The following PARD3B variants were observed in gnomAD, a reference collection of about 807,000 sequenced individuals.
The protein encoded by PARD3B is par-3 family cell polarity regulator beta, also known as partitioning defective 3 homolog B.
Under a neutral mutation model 130.2 loss-of-function variants are expected in PARD3B, and 103 were observed. The observed-to-expected ratio is 0.79, with a 90% confidence interval of 0.67 to 0.93. The LOEUF is 0.93. Ranked by LOEUF, PARD3B falls within the 40% of genes least tolerant of loss-of-function variation. The pLI, the probability that PARD3B is intolerant of heterozygous loss-of-function variation, is 0.00. For missense variants in PARD3B, 1,609 were observed against 1,499.2 expected, an observed-to-expected ratio of 1.07 and a Z score of -1.21; for synonymous variants, 583 against 553.2, an observed-to-expected ratio of 1.05 and a Z score of -0.76.
At chr2:205,302,828 C>T (rs1270170670) in intron 18 of PARD3B, among the ~76,000 whole-genome samples, 1 of 152,206 alleles carries the variant, frequency 6.6e-6, no homozygotes, top group Non-Finnish European at 1.5e-5. Flanking sequence ...GCTTCACACA[C>T]ATTGCTTAGC....
At position 205,502,675 on chromosome 2, in the gene PARD3B, T is replaced by A. The variant is rs78018793; in HGVS notation, c.3180+2644T>A. 9.2e-3 allele frequency among the ~76,000 whole-genome samples: 1,393 copies of A among 152,190 alleles called. 28 individuals carry two copies. Among genetic ancestry groups the A allele is most frequent in the African/African-American group, 0.032 (1,324 of 41,520 alleles). ...AAGGAAATTACAAAGATAAGTTACC[T>A]AACAACTACTCGTAAACCCATTTCA... is the stretch of plus-strand genomic sequence containing the variant. On this transcript the variant is annotated intron_variant, in intron 21 of 22. Coordinates refer to ENST00000406610, the MANE Select transcript of PARD3B (RefSeq NM_001302769.2).
rs57144543 is a variant in PARD3B, at chr2:204,553,695, TAC to T, written c.120+7582_120+7583del. On this transcript the variant is annotated intron_variant, in intron 1 of 22. Transcript: ENST00000406610. Reference sequence around the variant, plus strand: ...ATATATATATATATATATATATATATACACACATATATATAAAGGAATACACC... The same window carrying T: ...ATATATATATATATATATATATATATACACATATATATAAAGGAATACACC... 3.2e-3 allele frequency among the ~76,000 whole-genome samples: 290 copies of T among 90,698 alleles called. 5 individuals are homozygous for T. Among genetic ancestry groups the T allele is most frequent in the African/African-American group, 0.015 (265 of 17,238 alleles). The allele number at this position is 90,698 out of a possible 152,430, so 59.5% of individuals were successfully genotyped here. A position where few individuals can be genotyped will look rare whatever the true frequency, so the allele number is the denominator to read the frequency against.
intron 2 of PARD3B, among the ~76,000 whole-genome samples, chr2:204,872,529 C>T (rs2045669596): frequency 6.6e-6 from 1 of 152,034 alleles, no homozygotes; most frequent in Admixed American, 6.6e-5. Context: ...ATTGAGCTAG[C>T]TATGCGGTTT....
In PARD3B at chr2:205,321,903, C is replaced by G. The variant is rs2042764464; in HGVS notation, c.2630+20202C>G. ...ACCTCTGTAAATAGGTGCAAATATC[C>G]TTGTGATAAAGCGTCGGTAACCATT... On this transcript the variant is annotated intron_variant, in intron 18 of 22. Coordinates refer to ENST00000406610, the MANE Select transcript of PARD3B (RefSeq NM_001302769.2). The surrounding 1 kb of genome is among the most constrained non-coding windows in gnomAD (Gnocchi z 4.2). 6.6e-6 allele frequency among the ~76,000 whole-genome samples: 1 copy of G among 152,136 alleles called. No individual in the cohort carries two copies. The highest frequency in any genetic ancestry group is 1.5e-5 in the Non-Finnish European group (1 of 68,028).
intron 1 of PARD3B, among the ~76,000 whole-genome samples, chr2:204,549,042 G>A (rs768047130): frequency 6.6e-5 from 10 of 152,242 alleles, no homozygotes; most frequent in African/African-American, 2.2e-4. Context: ...CGTGGACAGC[G>A]TCTGAGAAGT....
chr2:205,002,014 C>T (rs1479205730), intron 3 of PARD3B, among the ~76,000 whole-genome samples: 5 of 152,110 alleles, frequency 3.3e-5, no homozygotes, highest in Admixed American at 3.3e-4. Context: ...AGAATTTCCC[C>T]CTAAACAAAA....
chr2:205,550,955 G>GTGTGTGTATGTA lies in PARD3B; in HGVS notation c.3181-2368_3181-2367insGTGTGTATGTAT, dbSNP rs796567936. Reference sequence around the variant, plus strand: ...TGTGTGTGTGTGTATATATATATGTGTATATATATATATATATATATACAC... The same window carrying GTGTGTGTATGTA: ...TGTGTGTGTGTGTATATATATATGTGTGTGTGTATGTATATATATATATATATATATATACAC... On this transcript the variant is annotated intron_variant, in intron 21 of 22. Transcript: ENST00000406610. This position sits in a 1 kb window ranked among gnomAD's most constrained non-coding sequence, Gnocchi z 4.5. Among the ~76,000 whole-genome samples, 1 of 94,468 alleles carries GTGTGTGTATGTA rather than the reference G, an allele frequency of 1.1e-5. No homozygotes were observed. Among genetic ancestry groups the GTGTGTGTATGTA allele is most frequent in the Non-Finnish European group, 2.2e-5 (1 of 44,580 alleles). 62.0% of individuals were successfully genotyped at this position (94,468 alleles called of 152,430 possible). A position where few individuals can be genotyped will look rare whatever the true frequency, so the allele number is the denominator to read the frequency against.
Position 205,052,448 on chromosome 2 carries a change from T to A in PARD3B, c.504+4758T>A, listed in dbSNP as rs10177355. ...ATATATATATATATATATATATATA[T>A]ATAAAATTAAAAAAATAAGCTGGCA... On this transcript the variant is annotated intron_variant, in intron 4 of 22. Coordinates refer to ENST00000406610, the MANE Select transcript of PARD3B (RefSeq NM_001302769.2). Among the ~76,000 whole-genome samples the A allele has an allele frequency of 1.1e-4, 9 of 81,838 alleles. No individual in the cohort carries two copies. The Admixed American group carries it at 1.2e-3, about 11-fold the overall frequency. The allele number at this position is 81,838 out of a possible 152,430, so 53.7% of individuals were successfully genotyped here. A position where few individuals can be genotyped will look rare whatever the true frequency, so the allele number is the denominator to read the frequency against.
chr2:204,643,221 T>C (rs184690302), intron 1 of PARD3B, among the ~76,000 whole-genome samples: 2 of 151,432 alleles, frequency 1.3e-5, no homozygotes, highest in East Asian at 3.9e-4. Flanking sequence ...TCTGCCATGA[T>C]TGTAAGTTTC....
intron 1 of PARD3B, among the ~76,000 whole-genome samples, chr2:204,589,054 C>T (rs1275918711): frequency 1.3e-5 from 2 of 152,062 alleles, no homozygotes; most frequent in East Asian, 3.9e-4. Context: ...TTATAGATGC[C>T]TCACCAGTGT....
At chr2:205,119,336 C>T (rs932459297) in intron 7 of PARD3B, among the ~76,000 whole-genome samples, 2 of 151,990 alleles carry the variant, frequency 1.3e-5, no homozygotes, top group African/African-American at 2.4e-5. Flanking sequence ...GGCTATGGGT[C>T]ACTTAAACTG....
chr2:205,401,033 A>G lies in PARD3B; in HGVS notation c.2651A>G (p.Asp884Gly), dbSNP rs751265001. 3.1e-6 allele frequency: 5 copies of G among 1,600,176 alleles called. No individual in the cohort carries two copies. The Admixed American group carries it at 5.1e-5, about 16-fold the overall frequency. ...ACTAGATTTGGAAAGAAGAAAGAGGATAAGGGTGGAAAGGCTGAGCAGAAA... is the reference window on the plus strand; with the variant it reads ...ACTAGATTTGGAAAGAAGAAAGAGGGTAAGGGTGGAAAGGCTGAGCAGAAA... ...AMLRFGKKKE[D>G]KGGKAEQKGT... The change falls in exon 19 of 23, where the codon GAT (aspartate) becomes GGT (glycine). Residue 884 changes from aspartate to glycine, a missense_variant. Asp to Gly is a moderately conservative substitution (Grantham distance 94). Transcript: ENST00000406610.
chr2:204,637,279 T>A (rs947273411), intron 1 of PARD3B, among the ~76,000 whole-genome samples: 3 of 152,174 alleles, frequency 2.0e-5, no homozygotes. Flanking sequence ...TAATTAATAA[T>A]TAATACATGG....
In PARD3B at chr2:204,891,186, CTT is replaced by C. The variant is rs57462873; in HGVS notation, c.223-73951_223-73950del. Among the ~76,000 whole-genome samples, 560 of 138,342 alleles carry C rather than the reference CTT, an allele frequency of 4.0e-3. 3 individuals carry two copies. The highest frequency in any genetic ancestry group is 0.011 in the African/African-American group (436 of 38,046). The allele number at this position is 138,342 out of a possible 152,430, so 90.8% of individuals were successfully genotyped here. ...TGTGTGTTTTCTCTTAAGTCCTTTT[CTT>C]TTTTTTTTTTTTTTAACCTTGTGCT... is the stretch of plus-strand genomic sequence containing the variant. On this transcript the variant is annotated intron_variant, in intron 2 of 22. Transcript: ENST00000406610.
chr2:205,604,180 T>C (rs1289800225), intron 22 of PARD3B, among the ~76,000 whole-genome samples: 1 of 152,200 alleles, frequency 6.6e-6, no homozygotes, highest in African/African-American at 2.4e-5. Context: ...TGGCCCCCAG[T>C]CTCCTCTGGC....
At chr2:205,024,755 C>A (rs2125342576) in intron 3 of PARD3B, among the ~76,000 whole-genome samples, 1 of 152,282 alleles carries the variant, frequency 6.6e-6, no homozygotes, top group Admixed American at 6.5e-5. Flanking sequence ...TTATGCATAT[C>A]TTAAACAAAA....
chr2:205,417,122 C>G (rs1412491481), intron 19 of PARD3B, among the ~76,000 whole-genome samples: 1 of 138,816 alleles, frequency 7.2e-6, no homozygotes, highest in Non-Finnish European at 1.5e-5. Flanking sequence ...ATGTTCCCCA[C>G]CCTGTGTCCA....
At chr2:205,226,193 C>T (rs1358125839) in intron 15 of PARD3B, among the ~76,000 whole-genome samples, 3 of 152,160 alleles carry the variant, frequency 2.0e-5, no homozygotes, top group Non-Finnish European at 4.4e-5. Flanking sequence ...AGGTGCCTGC[C>T]ACCACGCCCG....
At chr2:205,547,521 T>TCCAAG (rs1226465454) in intron 21 of PARD3B, among the ~76,000 whole-genome samples, 4 of 152,132 alleles carry the variant, frequency 2.6e-5, no homozygotes, top group African/African-American at 7.2e-5. Context: ...GAATGATTTT[T>TCCAAG]CCAAGCCACA....
Sources: gnomAD v4.1 joint callset for allele counts (sites outside exome capture counted in the v4.1 genomes callset) on GRCh38, gnomAD v4.1.1 for gene constraint, Gnocchi (gnomAD v3.1) non-coding constraint, MANE v1.5 for transcripts, NCBI Gene and HGNC (gene_info 2026-07-23, HGNC 2026-07-21) for gene names.